Variants in SPP1 observed in about 807,000 individuals in gnomAD.
SPP1 encodes the protein secreted phosphoprotein 1.
A neutral mutation model predicts 20.8 loss-of-function variants in SPP1; 18 were observed. The ratio of observed to expected loss-of-function variants is 0.87; its 90% CI spans 0.60 to 1.29. The LOEUF is 1.29. Ranked by LOEUF, SPP1 falls within the 50% of genes most tolerant of loss-of-function variation. The probability of loss-of-function intolerance (pLI) is 0.00; values close to 1 mark genes in which losing one functional copy is unlikely to be tolerated. For synonymous variants in SPP1, 146 were observed against 141.5 expected (o/e 1.03, Z -0.23); for missense variants, 363 against 389.0 (o/e 0.93, Z 0.56).
At position 87,983,190 on chromosome 4, in the gene SPP1, A is replaced by C. The variant is rs9138; in HGVS notation, c.*294A>C. ...TCTCATGAATAGAAATTTATGTAGA[A>C]GCAAACAAAATACTTTTACCCACTT... is the stretch of plus-strand genomic sequence containing the variant. On this transcript the variant is annotated 3_prime_UTR_variant, in exon 7 of 7. Coordinates refer to ENST00000395080, the MANE Select transcript of SPP1 (RefSeq NM_001040058.2). The C allele has an allele frequency of 0.28, 65,605 of 233,210 alleles. 10,451 individuals carry two copies. The highest frequency in any genetic ancestry group is 0.68 in the East Asian group (7,517 of 11,124). The allele number at this position is 233,210 out of a possible 1,614,324, so 14.4% of individuals were successfully genotyped here.
intron 2 of SPP1, 33 bp from the exon 3 acceptor site, chr4:87,977,026 T>C: frequency 1.1e-5 from 17 of 1,613,918 alleles, no homozygotes; most frequent in Non-Finnish European, 1.4e-5. Flanking sequence ...GAGGACATTC[T>C]TGTAATCTTT....
At chr4:87,979,700 C>T (rs1004985115) in intron 3 of SPP1, among the ~76,000 whole-genome samples, 3 of 152,116 alleles carry the variant, frequency 2.0e-5, no homozygotes, top group Non-Finnish European at 4.4e-5. Context: ...GCTAGTTTGC[C>T]TGCGTTTGAA....
chr4:87,977,559 A>G (rs1320665341), intron 3 of SPP1: 2 of 648,916 alleles, frequency 3.1e-6, no homozygotes, highest in Admixed American at 5.0e-5. Context: ...AAGAAAGTCT[A>G]TGTGTGCTGT....
chr4:87,982,626 T>G lies in SPP1; in HGVS notation c.675T>G (p.Tyr225Ter). 1 of 1,614,100 alleles carries G rather than the reference T, an allele frequency of 6.2e-7. No individual in the cohort carries two copies. The highest frequency in any genetic ancestry group is 8.5e-7 in the Non-Finnish European group (1 of 1,180,018). The change falls in exon 7 of 7, where the codon TAT becomes TAG. Residue 225 changes from tyrosine to a stop codon, truncating the protein, a stop_gained. Transcript: ENST00000395080. LOFTEE classifies it low-confidence loss of function (END_TRUNC). ...GGGACAGCCGTGGGAAGGACAGTTA[T>G]GAAACGAGTCAGCTGGATGACCAGA... is the stretch of plus-strand genomic sequence containing the variant. ...SDWDSRGKDS[Y>*]ETSQLDDQSA...
At position 87,981,639 on chromosome 4, in the gene SPP1, T is replaced by C; in HGVS notation, c.381T>C (p.Asp127=). The change falls in exon 6 of 7, where the codon GAT becomes GAC. Residue 127 remains aspartate (D), a synonymous_variant. Transcript: ENST00000395080. ...SHQSDESHHS[D]ESDELVTDFP... is the part of the protein sequence containing the mutation. ...AGTCTGATGAGTCTCACCATTCTGA[T>C]GAATCTGATGAACTGGTCACTGATT... 1 of 1,614,228 alleles carries C rather than the reference T, an allele frequency of 6.2e-7. No individual in the cohort carries two copies. Among genetic ancestry groups the C allele is most frequent in the South Asian group, 1.1e-5 (1 of 91,086 alleles).
At chr4:87,980,984 T>C (rs1240310887) in intron 5 of SPP1, among the ~76,000 whole-genome samples, 1 of 152,202 alleles carries the variant, frequency 6.6e-6, no homozygotes, top group African/African-American at 2.4e-5. Flanking sequence ...CTGCAGTTTA[T>C]ACACACATGC....
At chr4:87,978,583 C>G (rs1040960064) in intron 3 of SPP1, among the ~76,000 whole-genome samples, 1 of 151,930 alleles carries the variant, frequency 6.6e-6, no homozygotes, top group Non-Finnish European at 1.5e-5. Flanking sequence ...GGGGTTTCAC[C>G]GTGTTAGCCA....
At chr4:87,982,406 C>A (rs1725683907) in intron 6 of SPP1, 86 bp from the exon 7 acceptor site, 3 of 1,475,744 alleles carry the variant, frequency 2.0e-6, no homozygotes, top group Middle Eastern at 1.8e-4. Context: ...TATAAGATGA[C>A]CTAAAAGCTA....
chr4:87,981,552 C>A lies in SPP1; in HGVS notation c.294C>A (p.Asp98Glu), dbSNP rs146552179. 232 of 1,614,126 alleles carry A rather than the reference C, an allele frequency of 1.4e-4. 1 individual carries two copies. The East Asian group carries it at 3.1e-3, about 21-fold the overall frequency. Residue 98 changes from aspartate to glutamate, a missense_variant, in exon 6 of 7, where the codon GAC becomes GAA. Transcript: ENST00000395080. ...MDDEDDDDHV[D>E]SQDSIDSNDS... ...ATGAAGATGATGATGACCATGTGGA[C>A]AGCCAGGACTCCATTGACTCGAACG...
chr4:87,977,863 CGTTT>C, intron 3 of SPP1: 1 of 1,231,776 alleles, frequency 8.1e-7, no homozygotes, highest in South Asian at 1.5e-5. Context: ...ATTCTGTGTT[CGTTT>C]GTGTGTGGAG....
At chr4:87,981,957 T>C (rs748045669) in intron 6 of SPP1, among the ~76,000 whole-genome samples, 159 bp downstream of exon 6, 2 of 152,184 alleles carry the variant, frequency 1.3e-5, no homozygotes, top group Non-Finnish European at 2.9e-5. Context: ...AATCTTTTTC[T>C]GCTTGGCGGT....
chr4:87,982,683 A>T lies in SPP1; in HGVS notation c.732A>T (p.Arg244Ser), dbSNP rs1479657428. The change falls in exon 7 of 7, where the codon AGA becomes AGT. Residue 244 changes from arginine to serine, a missense_variant. Transcript: ENST00000395080. ...SAETHSHKQS[R>S]LYKRKANDES... ...AAACCCACAGCCACAAGCAGTCCAG[A>T]TTATATAAGCGGAAAGCCAATGATG... The T allele has an allele frequency of 2.5e-6, 4 of 1,613,976 alleles. No homozygotes were observed.
chr4:87,978,388 C>CTTTTTTTT (rs1159455110), intron 3 of SPP1, among the ~76,000 whole-genome samples: 10 of 89,678 alleles, frequency 1.1e-4, no homozygotes, highest in Non-Finnish European at 1.6e-4. Flanking sequence ...TTTCCGCCTT[C>CTTTTTTTT]TTTTTTTTTT....
At chr4:87,976,652 G>A (rs1452536217) in intron 1 of SPP1, among the ~76,000 whole-genome samples, 1 of 152,058 alleles carries the variant, frequency 6.6e-6, no homozygotes, top group African/African-American at 2.4e-5. Context: ...ATACAGACTT[G>A]CAAAATTTCC....
intron 3 of SPP1, among the ~76,000 whole-genome samples, chr4:87,978,603 C>T (rs1374357054): frequency 1.3e-5 from 2 of 151,992 alleles, no homozygotes; most frequent in Non-Finnish European, 2.9e-5. Context: ...AGGATGGTCT[C>T]CATCTCCTGA....
At chr4:87,976,746 G>A (rs1725390995) in intron 1 of SPP1, 136 bp from the exon 2 acceptor site, 2 of 558,058 alleles carry the variant, frequency 3.6e-6, no homozygotes, top group Middle Eastern at 4.6e-4. Context: ...AAAAAGAAAA[G>A]GCATCTCTAA....
intron 3 of SPP1, among the ~76,000 whole-genome samples, chr4:87,978,583 C>T (rs1040960064): frequency 8.6e-5 from 13 of 151,930 alleles, no homozygotes; most frequent in Admixed American, 5.9e-4. Context: ...GGGGTTTCAC[C>T]GTGTTAGCCA....
intron 6 of SPP1, 79 bp from the exon 7 acceptor site, chr4:87,982,413 G>C (rs1216209981): frequency 7.3e-6 from 11 of 1,507,900 alleles, no homozygotes; most frequent in Non-Finnish European, 9.8e-6. Context: ...TGACCTAAAA[G>C]CTAGAGAGTG....
chr4:87,977,532 G>GAAA (rs1725429232), intron 3 of SPP1: 1 of 406,022 alleles, frequency 2.5e-6, no homozygotes, highest in Non-Finnish European at 3.7e-6. Flanking sequence ...GATATTAGCT[G>GAAA]AGAAGCCCAT....
Sources: gnomAD v4.1 joint callset for allele counts (sites outside exome capture counted in the v4.1 genomes callset) on GRCh38, gnomAD v4.1.1 for gene constraint, MANE v1.5 for transcripts, NCBI Gene and HGNC (gene_info 2026-07-23, HGNC 2026-07-21) for gene names.